TRPM2: variants seen among roughly 807,000 people sequenced by gnomAD.
The protein encoded by TRPM2 is transient receptor potential cation channel subfamily M member 2.
A neutral mutation model predicts 174.0 loss-of-function variants in TRPM2; 161 were observed. The ratio of observed to expected loss-of-function variants is 0.93; its 90% CI spans 0.81 to 1.05. TRPM2 has a LOEUF of 1.05. Ranked by LOEUF, TRPM2 falls within the 50% of genes least tolerant of loss-of-function variation. TRPM2 has a pLI of 0.00. For synonymous variants in TRPM2, 954 were observed against 861.3 expected, an observed-to-expected ratio of 1.11 and a Z score of -1.88; for missense variants, 2,057 against 2,038.0, an observed-to-expected ratio of 1.01 and a Z score of -0.18.
At chr21:44,394,905 G>A (rs1007787771) in intron 11 of TRPM2, among the ~76,000 whole-genome samples, 4 of 152,146 alleles carry the variant, frequency 2.6e-5, no homozygotes, top group African/African-American at 4.8e-5. Context: ...CCTGGTCCGG[G>A]GAAAAGCCTA....
chr21:44,412,747 T>G (rs1362842595), intron 19 of TRPM2, among the ~76,000 whole-genome samples: 1 of 151,994 alleles, frequency 6.6e-6, no homozygotes, highest in Non-Finnish European at 1.5e-5. Flanking sequence ...CCTAACTTCT[T>G]GAGTGTTTTT....
intron 9 of TRPM2, among the ~76,000 whole-genome samples, chr21:44,388,669 A>C (rs1387502786): frequency 2.0e-5 from 3 of 149,946 alleles, no homozygotes; most frequent in African/African-American, 7.5e-5. Context: ...AAAAAAAAAA[A>C]AACTAGTCAG....
intron 2 of TRPM2, among the ~76,000 whole-genome samples, chr21:44,359,895 G>A (rs2146127000): frequency 6.6e-6 from 1 of 152,016 alleles, no homozygotes; most frequent in Non-Finnish European, 1.5e-5. Context: ...CTACAGCTGT[G>A]CACCATCACA....
rs755129641 is a variant in TRPM2 at position 44,418,024 on chromosome 21, C to T, written c.3244C>T (p.Pro1082Ser). 9 of 1,612,938 alleles carry T rather than the reference C, an allele frequency of 5.6e-6. No individual in the cohort carries two copies. In the Admixed American group the frequency reaches 6.7e-5, roughly 12 times the overall value. The change falls in exon 21 of 32, where the codon CCC (proline) becomes TCC (serine). Residue 1082 changes from proline to serine, a missense_variant. Physicochemically the swap from Pro to Ser is moderately conservative, Grantham distance 74 (BLOSUM62 -1). Coordinates refer to ENST00000397928, the MANE Select transcript of TRPM2 (RefSeq NM_003307.4). The part of the protein sequence containing the change: ...EEYHGRPAAP[P>S]PFILLSHLQL... ...GTACCACGGCCGCCCCGCCGCGCCG[C>T]CCCCCTTCATCCTCCTCAGCCACCT...
chr21:44,405,778 G>C, intron 17 of TRPM2, 127 bp from the exon 18 acceptor site: 2 of 1,156,856 alleles, frequency 1.7e-6, no homozygotes, highest in South Asian at 1.5e-5. Flanking sequence ...TGGGATGCAG[G>C]GCCCACCAGA....
upstream of TRPM2, chr21:44,350,386 G>A (rs2047909309): frequency 6.7e-6 from 1 of 149,194 alleles, no homozygotes; most frequent in Non-Finnish European, 1.5e-5. Flanking sequence ...GCGGATCGGG[G>A]TGCCGAGTGC....
rs1044388798 is a variant in TRPM2, at chr21:44,399,988, T to G, written c.2209-271T>G. ...CCTGGGGAAGGGTCCTGTCCCCCAC[T>G]GCAGAGCTCAGAGGGGCCAGTGCTC... On this transcript the variant is annotated intron_variant, in intron 14 of 31. Transcript: ENST00000397928. This position sits in a 1 kb window ranked among gnomAD's most constrained non-coding sequence, Gnocchi z 4.6. 2.0e-5 allele frequency among the ~76,000 whole-genome samples: 3 copies of G among 152,154 alleles called. No homozygotes were observed. Among genetic ancestry groups the G allele is most frequent in the Admixed American group, 1.3e-4 (2 of 15,276 alleles).
At chr21:44,416,151 A>T (rs1414477975) in intron 20 of TRPM2, 1 of 152,330 alleles carries the variant, frequency 6.6e-6, no homozygotes, top group Non-Finnish European at 1.5e-5. Context: ...AAAGCCTCCC[A>T]GGCCCTCAGA....
rs2048143871 is a variant in TRPM2 at position 44,359,213 on chromosome 21, T to A, written c.254+4477T>A. 2.6e-5 allele frequency among the ~76,000 whole-genome samples: 4 copies of A among 152,154 alleles called. No individual in the cohort carries two copies. In the South Asian group the frequency reaches 8.3e-4, roughly 32 times the overall value. On this transcript the variant is annotated intron_variant, in intron 2 of 31. Transcript: ENST00000397928. ...TTTACAGTGTGCGGATTGGTCCATT[T>A]TACAGAGCACCAATTGGTCCATTTT... is the stretch of plus-strand genomic sequence containing the variant.
intron 19 of TRPM2, among the ~76,000 whole-genome samples, chr21:44,408,824 AT>A (rs2049994490): frequency 6.6e-6 from 1 of 151,508 alleles, no homozygotes. Context: ...CGCCTGGCTA[AT>A]TTTTGTATTT....
intron 22 of TRPM2, chr21:44,422,226 C>T: frequency 1.3e-6 from 2 of 1,524,902 alleles, no homozygotes; most frequent in Non-Finnish European, 1.8e-6. Context: ...CATAACCTTG[C>T]AGCACTGAGG....
intron 11 of TRPM2, among the ~76,000 whole-genome samples, chr21:44,393,970 T>C (rs1236708203): frequency 6.6e-6 from 1 of 152,144 alleles, no homozygotes. Context: ...CCTCCTGGGT[T>C]CAATTGAGTC....
At chr21:44,422,665 C>A (rs1282143938) in intron 22 of TRPM2, among the ~76,000 whole-genome samples, 1 of 152,206 alleles carries the variant, frequency 6.6e-6, no homozygotes, top group Non-Finnish European at 1.5e-5. Context: ...GAGCTGGAGA[C>A]TCGGGTTTGC....
intron 24 of TRPM2, chr21:44,425,267 C>G (rs1424368369): frequency 2.5e-6 from 1 of 398,528 alleles, no homozygotes; most frequent in East Asian, 3.9e-5. Context: ...AACCTGGTCA[C>G]GTAGGCTGAG....
At position 44,399,639 on chromosome 21, in the gene TRPM2, A is replaced by C. The variant is rs1270817219; in HGVS notation, c.2208+198A>C. Among the ~76,000 whole-genome samples the C allele has an allele frequency of 6.6e-6, 1 of 152,178 alleles. No homozygotes were observed. Among genetic ancestry groups the C allele is most frequent in the Non-Finnish European group, 1.5e-5 (1 of 68,016 alleles). ...TTGCAGATGGGGGGAAGCTAACATG[A>C]AGCAAAAGCAGGAGCTGGTGGCCAT... On this transcript the variant is annotated intron_variant, in intron 14 of 31. Coordinates refer to ENST00000397928, the MANE Select transcript of TRPM2 (RefSeq NM_003307.4). This position sits in a 1 kb window ranked among gnomAD's most constrained non-coding sequence, Gnocchi z 4.6.
In TRPM2 at chr21:44,399,596, A is replaced by G. The variant is rs2049545969; in HGVS notation, c.2208+155A>G. 6.6e-6 allele frequency among the ~76,000 whole-genome samples: 1 copy of G among 152,200 alleles called. No homozygotes were observed. The highest frequency in any genetic ancestry group is 1.5e-5 in the Non-Finnish European group (1 of 68,020). The stretch of plus-strand genomic sequence containing the variant: ...GCCTGACCCCTCGGCCACCTGCTCC[A>G]GGCTCTGGCCTCCCATTTTGCAGAT... On this transcript the variant is annotated intron_variant, in intron 14 of 31. Coordinates refer to ENST00000397928, the MANE Select transcript of TRPM2 (RefSeq NM_003307.4). The surrounding 1 kb of genome is among the most constrained non-coding windows in gnomAD (Gnocchi z 4.6).
chr21:44,397,758 C>A lies in TRPM2; in HGVS notation c.1944C>A (p.Cys648Ter). The A allele has an allele frequency of 6.3e-7, 1 of 1,588,902 alleles. No homozygotes were observed. The highest frequency in any genetic ancestry group is 2.3e-5 in the East Asian group (1 of 44,246). The change falls in exon 13 of 32, where the codon TGC becomes TGA. Residue 648 changes from cysteine (C) to a stop codon, truncating the protein, a stop_gained. Transcript: ENST00000397928. LOFTEE classifies it high-confidence loss of function. ...CCTCTGGTCCCCAGAGCCAGGACTG[C>A]ATCGCAGCGGCCTTGGCCTGCAGCA... ...AGIIWAQSQD[C>*]IAAALACSKI...
At position 44,369,577 on chromosome 21, in the gene TRPM2, G is replaced by A. The variant is rs560061863; in HGVS notation, c.771+234G>A. On this transcript the variant is annotated intron_variant, in intron 5 of 31. Transcript: ENST00000397928. ...GCCGGGGTGTGGGTGAGTTCTGACC[G>A]GGTGCTGCGGGGAGCAGGTGGAGTG... 3.0e-3 allele frequency among the ~76,000 whole-genome samples: 155 copies of A among 52,058 alleles called. 7 individuals are homozygous for A. The highest frequency in any genetic ancestry group is 0.011 in the African/African-American group (135 of 12,002). The allele number at this position is 52,058 out of a possible 152,430, so 34.2% of individuals were successfully genotyped here.
intron 9 of TRPM2, among the ~76,000 whole-genome samples, chr21:44,387,510 C>T (rs1017782521): frequency 6.6e-6 from 1 of 152,084 alleles, no homozygotes; most frequent in Admixed American, 6.6e-5. Context: ...GGCCATGACA[C>T]CTAAGGCACA....
Sources: gnomAD v4.1 joint callset for allele counts (sites outside exome capture counted in the v4.1 genomes callset) on GRCh38, gnomAD v4.1.1 for gene constraint, Gnocchi (gnomAD v3.1) non-coding constraint, MANE v1.5 for transcripts, NCBI Gene and HGNC (gene_info 2026-07-23, HGNC 2026-07-21) for gene names.